The following DEK variants were observed in gnomAD, a reference collection of about 807,000 sequenced individuals.
DEK encodes the protein DEK proto-oncogene.
In DEK, 28 loss-of-function variants were observed where a neutral mutation model predicts 46.8. The observed-to-expected ratio is 0.60, with a 90% CI of 0.44 to 0.82. DEK has a LOEUF of 0.82. Ranked by LOEUF, DEK falls within the 40% of genes least tolerant of loss-of-function variation. The pLI is 0.00. For synonymous variants in DEK, 160 were observed against 144.5 expected (o/e 1.11, Z -0.77); for missense variants, 416 against 430.6 (o/e 0.97, Z 0.30).
chr6:18,258,740 C>G (rs1270086698), intron 2 of DEK, among the ~76,000 whole-genome samples: 1 of 152,098 alleles, frequency 6.6e-6, no homozygotes. Context: ...TCTGTTTAAT[C>G]TTTGGACATA....
intron 6 of DEK, among the ~76,000 whole-genome samples, chr6:18,252,590 CAT>C (rs1249587211): frequency 6.9e-6 from 1 of 145,046 alleles, no homozygotes; most frequent in East Asian, 2.1e-4. Context: ...CACAGAATCA[CAT>C]ATGAAAAACT....
rs1382018217 is a variant in DEK at position 18,225,691 on chromosome 6, G to T, written c.*28C>A. ...ATAAATCAGATCTTCAAATCTATGG[G>T]AACGAGTCATCTTCTCTGTCCTCTA... On this transcript the variant is annotated 3_prime_UTR_variant, in exon 11 of 11. Transcript: ENST00000652689. The T allele has an allele frequency of 1.2e-6, 2 of 1,609,984 alleles. No homozygotes were observed. The highest frequency in any genetic ancestry group is 1.7e-6 in the Non-Finnish European group (2 of 1,177,386).
At chr6:18,247,673 C>G (rs1373163488) in intron 7 of DEK, among the ~76,000 whole-genome samples, 3 of 151,872 alleles carry the variant, frequency 2.0e-5, no homozygotes, top group Non-Finnish European at 4.4e-5. Flanking sequence ...GTATAAAATG[C>G]TCTCGTTTTT....
chr6:18,254,994 C>G (rs1230854506), intron 6 of DEK, among the ~76,000 whole-genome samples: 1 of 152,132 alleles, frequency 6.6e-6, no homozygotes, highest in Admixed American at 6.5e-5. Flanking sequence ...AGATGGCATT[C>G]CCCTGAACTC....
intron 6 of DEK, among the ~76,000 whole-genome samples, chr6:18,250,435 G>C (rs1293396392): frequency 1.3e-5 from 2 of 152,154 alleles, no homozygotes; most frequent in Admixed American, 1.3e-4. Context: ...CGCCACTGCA[G>C]TCCAGCCTGG....
At chr6:18,241,804 G>C (rs1790903118) in intron 7 of DEK, among the ~76,000 whole-genome samples, 1 of 152,132 alleles carries the variant, frequency 6.6e-6, no homozygotes, top group African/African-American at 2.4e-5. Flanking sequence ...GAGCTTGAGG[G>C]CTGTATAAAA....
At chr6:18,229,223 C>G (rs1582252032) in intron 9 of DEK, among the ~76,000 whole-genome samples, 1 of 152,196 alleles carries the variant, frequency 6.6e-6, no homozygotes, top group African/African-American at 2.4e-5. Context: ...CACCAAAACC[C>G]CATCTGTACG....
intron 6 of DEK, among the ~76,000 whole-genome samples, chr6:18,250,803 A>C: frequency 6.6e-6 from 1 of 152,036 alleles, no homozygotes; most frequent in Non-Finnish European, 1.5e-5. Context: ...CCCATAAAAA[A>C]AATGTATAAC....
Position 18,256,373 on chromosome 6 carries a change from TCTTC to T in DEK, c.436_439del (p.Glu146LysfsTer3), listed in dbSNP as rs1375367907. On this transcript the variant is annotated frameshift_variant, in exon 5 of 11. Transcript: ENST00000652689. LOFTEE classifies it high-confidence loss of function. ...AAAAATAACTTACTTTTTCAACATT[TCTTC>T]CTTCTTTTTATATTGGACACTTCCT... 5 of 1,611,824 alleles carry T rather than the reference TCTTC, an allele frequency of 3.1e-6. No individual in the cohort carries two copies. The highest frequency in any genetic ancestry group is 4.2e-6 in the Non-Finnish European group (5 of 1,178,830).
At chr6:18,262,969 C>G (rs1010386113) in intron 2 of DEK, among the ~76,000 whole-genome samples, 2 of 152,108 alleles carry the variant, frequency 1.3e-5, no homozygotes, top group African/African-American at 4.8e-5. Context: ...GCTTCAACCT[C>G]TTCCCAAGTG....
chr6:18,261,219 G>C (rs549231089), intron 2 of DEK, among the ~76,000 whole-genome samples: 4 of 152,278 alleles, frequency 2.6e-5, no homozygotes, highest in East Asian at 3.9e-4. Flanking sequence ...CTGGATGCCA[G>C]ACATGCAGTA....
At chr6:18,249,589 G>A (rs1791272656) in intron 7 of DEK, 62 bp downstream of exon 7, 2 of 1,446,228 alleles carry the variant, frequency 1.4e-6, no homozygotes, top group African/African-American at 1.4e-5. Flanking sequence ...GTACCTTATA[G>A]CAGAAATATT....
At chr6:18,256,528 C>T in intron 4 of DEK, 73 bp from the exon 5 acceptor site, 1 of 1,256,172 alleles carries the variant, frequency 8.0e-7, no homozygotes, top group African/African-American at 1.5e-5. Context: ...AAAGCCAATT[C>T]AAAGTCAACA....
At chr6:18,247,834 A>T (rs1442816993) in intron 7 of DEK, among the ~76,000 whole-genome samples, 1 of 151,938 alleles carries the variant, frequency 6.6e-6, no homozygotes, top group East Asian at 1.9e-4. Context: ...CACCACGCCC[A>T]GCTAATTTTG....
In DEK at chr6:18,225,457, A is replaced by C. The variant is rs909043889; in HGVS notation, c.*262T>G. Reference sequence around the variant, plus strand: ...AGAATCTATGACCTTATATAAAGAAATCCAAAATGTACAAAATACAACTAT... The same window carrying C: ...AGAATCTATGACCTTATATAAAGAACTCCAAAATGTACAAAATACAACTAT... On this transcript the variant is annotated 3_prime_UTR_variant, in exon 11 of 11. Transcript: ENST00000652689. The C allele has an allele frequency of 2.4e-6, 1 of 416,836 alleles. No homozygotes were observed. The highest frequency in any genetic ancestry group is 2.0e-5 in the African/African-American group (1 of 48,994). 25.8% of individuals were successfully genotyped at this position (416,836 alleles called of 1,614,324 possible). A position where few individuals can be genotyped will look rare whatever the true frequency, so the allele number is the denominator to read the frequency against.
At chr6:18,236,086 C>T (rs1412738609) in intron 9 of DEK, among the ~76,000 whole-genome samples, 2 of 152,164 alleles carry the variant, frequency 1.3e-5, no homozygotes, top group Admixed American at 6.6e-5. Context: ...TCATTTATCA[C>T]ACTAAGAAGA....
intron 6 of DEK, among the ~76,000 whole-genome samples, 168 bp from the exon 7 acceptor site, chr6:18,250,007 CTG>C (rs1169981725): frequency 1.2e-4 from 19 of 152,190 alleles, no homozygotes; most frequent in African/African-American, 4.6e-4. Context: ...TAACCTAAAA[CTG>C]TGTTACTAAT....
At chr6:18,240,036 T>C (rs558711747) in intron 7 of DEK, among the ~76,000 whole-genome samples, 1 of 152,210 alleles carries the variant, frequency 6.6e-6, no homozygotes, top group Non-Finnish European at 1.5e-5. Context: ...TCAATCTCCA[T>C]TCAAATTAGA....
intron 7 of DEK, among the ~76,000 whole-genome samples, chr6:18,238,059 A>C (rs1165356701): frequency 6.6e-6 from 1 of 150,972 alleles, no homozygotes; most frequent in Non-Finnish European, 1.5e-5. Flanking sequence ...AGTAGAGATG[A>C]GGTTTTGCCA....
Sources: allele counts gnomAD v4.1 joint callset (sites outside exome capture counted in the v4.1 genomes callset), GRCh38; gene constraint gnomAD v4.1.1; transcripts MANE v1.5; gene names NCBI Gene and HGNC (gene_info 2026-07-23, HGNC 2026-07-21).